The following TRIM21 variants were observed in gnomAD, a reference collection of about 807,000 sequenced individuals.
TRIM21 encodes the protein tripartite motif containing 21.
Under a neutral mutation model 36.1 loss-of-function variants are expected in TRIM21, and 35 were observed. That is an observed-to-expected ratio of 0.97 (90% CI 0.74 to 1.28). The LOEUF (loss-of-function observed/expected upper bound fraction) is 1.28, where lower values mean the gene tolerates loss of function less well. TRIM21 is among the 50% of genes most tolerant of loss of function. The pLI, the probability that TRIM21 is intolerant of heterozygous loss-of-function variation, is 0.00. For missense variants in TRIM21, 635 were observed against 570.7 expected (o/e 1.11, Z -1.15); for synonymous variants, 256 against 211.5 (o/e 1.21, Z -1.83).
At chr11:4,392,166 C>G (rs748109989) in intron 1 of TRIM21, among the ~76,000 whole-genome samples, 6 of 151,856 alleles carry the variant, frequency 4.0e-5, no homozygotes, top group Non-Finnish European at 7.4e-5. Flanking sequence ...ATACCTGTAT[C>G]ACAATATTCC....
At position 4,386,994 on chromosome 11, in the gene TRIM21, A is replaced by G. The variant is rs199516390; in HGVS notation, c.736-4T>C. 12 of 1,576,872 alleles carry G rather than the reference A, an allele frequency of 7.6e-6. No homozygotes were observed. The highest frequency in any genetic ancestry group is 1.7e-4 in the Middle Eastern group (1 of 6,018). On this transcript the variant is annotated splice_region_variant and splice_polypyrimidine_tract_variant and intron_variant, in intron 4 of 6. Coordinates refer to ENST00000254436, the MANE Select transcript of TRIM21 (RefSeq NM_003141.4). ...TTTCCAGGACAATTATCACCTCCTGAGGAGAAAAGAGACAGAAAGTAAGTT... is the reference window on the plus strand; with the variant it reads ...TTTCCAGGACAATTATCACCTCCTGGGGAGAAAAGAGACAGAAAGTAAGTT...
At chr11:4,387,255 T>TG (rs916010609) in intron 4 of TRIM21, among the ~76,000 whole-genome samples, 14 of 134,212 alleles carry the variant, frequency 1.0e-4, no homozygotes, top group Non-Finnish European at 2.0e-4. Flanking sequence ...AGACCAGTTT[T>TG]TTTTTTTTTT....
chr11:4,390,209 T>C lies in TRIM21; in HGVS notation c.201A>G (p.Arg67=), dbSNP rs1378235777. The change falls in exon 2 of 7, where the codon CGA becomes CGG. Residue 67 remains arginine, a synonymous_variant. Coordinates refer to ENST00000254436, the MANE Select transcript of TRIM21 (RefSeq NM_003141.4). ...RFLLKNLRPN[R]QLANMVNNLK... ...GGTTGTTCACCATGTTGGCTAGCTG[T>C]CGATTGGGCCGGAGATTCTTGAGCA... is the stretch of plus-strand genomic sequence containing the variant. 1 of 1,613,898 alleles carries C rather than the reference T, an allele frequency of 6.2e-7. No homozygotes were observed. Among genetic ancestry groups the C allele is most frequent in the African/African-American group, 1.3e-5 (1 of 74,916 alleles).
Position 4,390,244 on chromosome 11 carries a change from G to T in TRIM21, c.166C>A (p.Gln56Lys), listed in dbSNP as rs1430804405. The T allele has an allele frequency of 6.2e-7, 1 of 1,613,842 alleles. No homozygotes were observed. The highest frequency in any genetic ancestry group is 1.1e-5 in the South Asian group (1 of 91,084). ...CGGAGATTCTTGAGCAGAAAGCGCT[G>T]CCGGCACACAGGACAGACGCTGCCC... is the stretch of plus-strand genomic sequence containing the variant. ...GGGSVCPVCR[Q>K]RFLLKNLRPN... is the part of the protein sequence containing the mutation. Residue 56 changes from glutamine (Q) to lysine (K), a missense_variant, in exon 2 of 7, where the codon CAG (glutamine) becomes AAG (lysine). Transcript: ENST00000254436.
intron 1 of TRIM21, among the ~76,000 whole-genome samples, chr11:4,391,222 CTA>C (rs2133054046): frequency 6.6e-6 from 1 of 152,002 alleles, no homozygotes; most frequent in African/African-American, 2.4e-5. Flanking sequence ...TCAAACAACT[CTA>C]TAGGAAAAAA....
chr11:4,391,887 C>A (rs1468915361), intron 1 of TRIM21, among the ~76,000 whole-genome samples: 3 of 151,952 alleles, frequency 2.0e-5, no homozygotes, highest in Non-Finnish European at 4.4e-5. Flanking sequence ...AACAATTGAA[C>A]TCATGGAGTT....
At chr11:4,386,455 G>C in intron 5 of TRIM21, 198 bp from the exon 6 acceptor site, 1 of 637,028 alleles carries the variant, frequency 1.6e-6, no homozygotes, top group Non-Finnish European at 2.8e-6. Flanking sequence ...CTGGTTATAG[G>C]AGGCTCTGCA....
intron 2 of TRIM21, 118 bp from the exon 3 acceptor site, chr11:4,389,867 T>G: frequency 6.6e-7 from 1 of 1,507,168 alleles, no homozygotes; most frequent in South Asian, 1.1e-5. Context: ...TGGGTTTAAC[T>G]TATAATTCTC....
intron 4 of TRIM21, 72 bp downstream of exon 4, chr11:4,388,228 G>A (rs2094958608): frequency 1.5e-6 from 2 of 1,299,536 alleles, no homozygotes; most frequent in African/African-American, 1.5e-5. Flanking sequence ...TTATTCAAAT[G>A]GCAGTTCCAG....
At chr11:4,387,701 C>A (rs1369244902) in intron 4 of TRIM21, among the ~76,000 whole-genome samples, 2 of 152,012 alleles carry the variant, frequency 1.3e-5, no homozygotes, top group Non-Finnish European at 2.9e-5. Flanking sequence ...ACTAGGGATG[C>A]AAAATTAGCC....
In TRIM21 at chr11:4,390,361, G is replaced by A; in HGVS notation, c.49C>T (p.Pro17Ser). 5.0e-6 allele frequency: 8 copies of A among 1,613,588 alleles called. No homozygotes were observed. Among genetic ancestry groups the A allele is most frequent in the Non-Finnish European group, 6.8e-6 (8 of 1,179,590 alleles). The change falls in exon 2 of 7, where the codon CCT (proline) becomes TCT (serine). Residue 17 changes from proline to serine, a missense_variant. By Grantham distance (74) the Pro-to-Ser change is moderately conservative. Transcript: ENST00000254436. ...TCCACGAAGGGGTCCAGGCAGATAG[G>A]GCATGTGACCTCCTCCCACATCATT... ...LTMMWEEVTC[P>S]ICLDPFVEPV...
chr11:4,392,393 C>T (rs1590838840), intron 1 of TRIM21, among the ~76,000 whole-genome samples: 1 of 151,920 alleles, frequency 6.6e-6, no homozygotes, highest in Non-Finnish European at 1.5e-5. Context: ...ATGGTAAAAC[C>T]CTGTCTCTAC....
chr11:4,386,131 C>G, intron 6 of TRIM21, 26 bp downstream of exon 6: 21 of 1,607,928 alleles, frequency 1.3e-5, no homozygotes, highest in Non-Finnish European at 1.8e-5. Context: ...CCCCATTATC[C>G]CCCGCAAAAC....
Position 4,385,180 on chromosome 11 carries a change from C to A in TRIM21, c.*105G>T. 8.9e-7 allele frequency: 1 copy of A among 1,126,628 alleles called. No homozygotes were observed. Among genetic ancestry groups the A allele is most frequent in the Non-Finnish European group, 1.2e-6 (1 of 802,244 alleles). 69.8% of individuals were successfully genotyped at this position (1,126,628 alleles called of 1,614,324 possible). ...AAGCTCGCTTGCTGGGATCCGGATG[C>A]CTCTGCAGAGACAAAGGTGGTTCAG... On this transcript the variant is annotated 3_prime_UTR_variant, in exon 7 of 7. Transcript: ENST00000254436.
Position 4,385,432 on chromosome 11 carries a change from G to A in TRIM21, c.1281C>T (p.Gly427=), listed in dbSNP as rs140446058. 7.1e-4 allele frequency: 1,148 copies of A among 1,613,602 alleles called. 2 individuals are homozygous for A. The highest frequency in any genetic ancestry group is 1.2e-3 in the Admixed American group (73 of 59,972). Reference sequence around the variant, plus strand: ...ATTCAGAGAAGGAGTAGATGAGGGAGCCATGGTCAGTGATGTTGTAGAAGG... The same window carrying A: ...ATTCAGAGAAGGAGTAGATGAGGGAACCATGGTCAGTGATGTTGTAGAAGG... The part of the protein sequence containing the change: ...MVSFYNITDH[G]SLIYSFSECA... Residue 427 remains glycine, a synonymous_variant, in exon 7 of 7, where the codon GGC becomes GGT. Coordinates refer to ENST00000254436, the MANE Select transcript of TRIM21 (RefSeq NM_003141.4).
intron 1 of TRIM21, 40 bp from the exon 2 acceptor site, chr11:4,390,498 G>C (rs2094961835): frequency 7.3e-7 from 1 of 1,370,614 alleles, no homozygotes; most frequent in Non-Finnish European, 9.9e-7. Context: ...ATATGAGAAA[G>C]TCTGTGTAAG....
chr11:4,389,960 C>A, intron 2 of TRIM21, 42 bp downstream of exon 2: 2 of 1,599,918 alleles, frequency 1.3e-6, no homozygotes, highest in African/African-American at 1.3e-5. Flanking sequence ...CCATTCCCTG[C>A]TCTGAAAACG....
chr11:4,385,453 G>C lies in TRIM21; in HGVS notation c.1260C>G (p.Phe420Leu). The C allele has an allele frequency of 6.2e-7, 1 of 1,613,096 alleles. No individual in the cohort carries two copies. The change falls in exon 7 of 7, where the codon TTC becomes TTG. Residue 420 changes from phenylalanine to leucine, a missense_variant. Coordinates refer to ENST00000254436, the MANE Select transcript of TRIM21 (RefSeq NM_003141.4). ...GGGAGCCATGGTCAGTGATGTTGTA[G>C]AAGGAGACCATGCCAGCCTCATAGT... ...FLDYEAGMVS[F>L]YNITDHGSLI...
Position 4,390,199 on chromosome 11 carries a change from T to G in TRIM21, c.211A>C (p.Asn71His). The G allele has an allele frequency of 1.2e-6, 2 of 1,614,040 alleles. No homozygotes were observed. Among genetic ancestry groups the G allele is most frequent in the Non-Finnish European group, 1.7e-6 (2 of 1,179,894 alleles). Residue 71 changes from asparagine (N) to histidine (H), a missense_variant, in exon 2 of 7, where the codon AAC becomes CAC. Coordinates refer to ENST00000254436, the MANE Select transcript of TRIM21 (RefSeq NM_003141.4). ...KNLRPNRQLANMVNNLKEISQ... is the reference protein window; with the variant it reads ...KNLRPNRQLAHMVNNLKEISQ... ...ATTTCTTTAAGGTTGTTCACCATGT[T>G]GGCTAGCTGTCGATTGGGCCGGAGA... is the stretch of plus-strand genomic sequence containing the variant.
Sources: gnomAD v4.1 joint callset for allele counts (sites outside exome capture counted in the v4.1 genomes callset) on GRCh38, gnomAD v4.1.1 for gene constraint, MANE v1.5 for transcripts, NCBI Gene and HGNC (gene_info 2026-07-23, HGNC 2026-07-21) for gene names.